The following AADAT variants were observed in gnomAD, a reference collection of about 807,000 sequenced individuals.
AADAT encodes the protein kynurenine/alpha-aminoadipate aminotransferase, mitochondrial.
In AADAT, 25 loss-of-function variants were observed where a neutral mutation model predicts 56.2. The ratio of observed to expected loss-of-function variants is 0.44; its 90% CI spans 0.32 to 0.62. The LOEUF (loss-of-function observed/expected upper bound fraction) is 0.62, where lower values mean the gene tolerates loss of function less well. Ranked by LOEUF, AADAT falls within the 20% of genes least tolerant of loss-of-function variation. The pLI is 0.04. For synonymous variants in AADAT, 173 were observed against 164.7 expected (o/e 1.05, Z -0.39); for missense variants, 387 against 510.5 (o/e 0.76, Z 2.33).
chr4:170,064,488 C>G (rs1003162518), intron 11 of AADAT, among the ~76,000 whole-genome samples: 4 of 152,204 alleles, frequency 2.6e-5, no homozygotes, highest in African/African-American at 9.6e-5. Flanking sequence ...CTACGCTAAT[C>G]AGTAGCTGAG....
intron 5 of AADAT, among the ~76,000 whole-genome samples, chr4:170,071,917 A>T (rs1438710362): frequency 2.0e-5 from 3 of 152,118 alleles, no homozygotes; most frequent in African/African-American, 7.2e-5. Context: ...ATGGAGATGG[A>T]GAATGTGAGA....
At chr4:170,065,388 T>A (rs964010814) in intron 10 of AADAT, among the ~76,000 whole-genome samples, 1 of 152,212 alleles carries the variant, frequency 6.6e-6, no homozygotes, top group Non-Finnish European at 1.5e-5. Context: ...ACAAGCATAA[T>A]GATCTTTGAT....
intron 3 of AADAT, among the ~76,000 whole-genome samples, chr4:170,080,419 G>C (rs552299355): frequency 1.2e-3 from 190 of 152,240 alleles, no homozygotes; most frequent in African/African-American, 4.6e-3. Flanking sequence ...TGGTTCCCTG[G>C]CTGGAGACCT....
intron 10 of AADAT, 43 bp downstream of exon 10, chr4:170,066,371 G>T (rs1405159394): frequency 1.1e-5 from 17 of 1,534,132 alleles, no homozygotes; most frequent in Admixed American, 1.7e-5. Flanking sequence ...TACTTTTACA[G>T]ATGCTACTGT....
intron 4 of AADAT, among the ~76,000 whole-genome samples, chr4:170,078,067 C>T (rs1047694101): frequency 2.0e-5 from 3 of 152,174 alleles, no homozygotes; most frequent in African/African-American, 7.2e-5. Flanking sequence ...CTGTAAATCA[C>T]AGTTCCACGG....
intron 1 of AADAT, 58 bp downstream of exon 1, chr4:170,089,566 T>TA: frequency 6.2e-7 from 1 of 1,604,568 alleles, no homozygotes; most frequent in South Asian, 1.1e-5. Flanking sequence ...GAACCCTCCT[T>TA]AGAGGCTGTG....
At chr4:170,092,934 A>C (rs1327130144), upstream of AADAT, among the ~76,000 whole-genome samples, 1 of 152,218 alleles carries the variant, frequency 6.6e-6, no homozygotes, top group Non-Finnish European at 1.5e-5. Flanking sequence ...ACAGATCCTT[A>C]TGTGTTTGAG....
chr4:170,084,028 C>T (rs1009989079), intron 3 of AADAT, among the ~76,000 whole-genome samples: 2 of 152,254 alleles, frequency 1.3e-5, no homozygotes, highest in South Asian at 2.1e-4. Context: ...ATGTGGTATA[C>T]ACACAATGGA....
At chr4:170,088,196 G>A (rs1399093845) in intron 2 of AADAT, among the ~76,000 whole-genome samples, 200 bp downstream of exon 2, 3 of 151,660 alleles carry the variant, frequency 2.0e-5, no homozygotes. Context: ...CCTTTCCCCA[G>A]ACCTTCCTAA....
Position 170,089,734 on chromosome 4 carries a change from G to A in AADAT, c.-44C>T, listed in dbSNP as rs1381348282. The stretch of plus-strand genomic sequence containing the variant: ...ATCAAGCTTCTTCTTCAGTGGTTGA[G>A]GACTAGAAAAACCAAAGAGCCTCGT... On this transcript the variant is annotated 5_prime_UTR_variant, in exon 1 of 13. Coordinates refer to ENST00000337664, the MANE Select transcript of AADAT (RefSeq NM_016228.4). The A allele has an allele frequency of 2.5e-6, 4 of 1,605,338 alleles. No individual in the cohort carries two copies. Among genetic ancestry groups the A allele is most frequent in the African/African-American group, 2.7e-5 (2 of 74,656 alleles).
At chr4:170,072,089 G>A (rs996926740) in intron 5 of AADAT, among the ~76,000 whole-genome samples, 2 of 152,100 alleles carry the variant, frequency 1.3e-5, no homozygotes, top group South Asian at 2.1e-4. Flanking sequence ...CAGGCAATGT[G>A]CCGGTCATCG....
chr4:170,078,969 T>C (rs1290080341), intron 3 of AADAT, among the ~76,000 whole-genome samples: 1 of 152,202 alleles, frequency 6.6e-6, no homozygotes, highest in Non-Finnish European at 1.5e-5. Flanking sequence ...ATTGCTTCTT[T>C]GAAAATCTAT....
intron 4 of AADAT, among the ~76,000 whole-genome samples, chr4:170,073,743 C>T (rs111752158): frequency 0.058 from 8,878 of 152,238 alleles, 344 homozygotes; most frequent in Non-Finnish European, 0.09. Context: ...TCGTGATCCG[C>T]CCGCCTTGGC....
intron 3 of AADAT, among the ~76,000 whole-genome samples, chr4:170,081,527 C>T (rs761524265): frequency 3.3e-5 from 5 of 151,970 alleles, no homozygotes; most frequent in African/African-American, 4.8e-5. Flanking sequence ...CTCTCAAAGG[C>T]TAAGGACAAA....
chr4:170,066,645 T>C (rs1346149967), intron 9 of AADAT, among the ~76,000 whole-genome samples, 167 bp from the exon 10 acceptor site: 1 of 152,214 alleles, frequency 6.6e-6, no homozygotes, highest in African/African-American at 2.4e-5. Context: ...TGAAAAACTT[T>C]TAACTGCTGT....
chr4:170,068,653 A>T lies in AADAT; in HGVS notation c.838T>A (p.Leu280Ile). 6.2e-7 allele frequency: 1 copy of T among 1,607,660 alleles called. No homozygotes were observed. Among genetic ancestry groups the T allele is most frequent in the African/African-American group, 1.3e-5 (1 of 74,640 alleles). Reference sequence around the variant, plus strand: ...ATGTGTAAAATAACTCTCTCTATTAAGGGTTTTGGACCAGTTAAAAATCCT... The same window carrying T: ...ATGTGTAAAATAACTCTCTCTATTATGGGTTTTGGACCAGTTAAAAATCCT... ...RIGFLTGPKP[L>I]IERVILHIQV... Residue 280 changes from leucine (L) to isoleucine (I), a missense_variant, in exon 8 of 13, where the codon TTA (leucine) becomes ATA (isoleucine). Transcript: ENST00000337664.
At chr4:170,061,527 T>C (rs1206203041) in intron 12 of AADAT, among the ~76,000 whole-genome samples, 1 of 152,216 alleles carries the variant, frequency 6.6e-6, no homozygotes, top group Non-Finnish European at 1.5e-5. Flanking sequence ...ATTTGACCCT[T>C]GCTGATACTT....
At chr4:170,080,694 T>C (rs1242456653) in intron 3 of AADAT, among the ~76,000 whole-genome samples, 1 of 152,138 alleles carries the variant, frequency 6.6e-6, no homozygotes, top group Non-Finnish European at 1.5e-5. Context: ...CCTCCCTGAT[T>C]TGGGACAGGC....
intron 11 of AADAT, among the ~76,000 whole-genome samples, chr4:170,064,281 C>A (rs1271266954): frequency 1.3e-5 from 2 of 152,170 alleles, no homozygotes; most frequent in African/African-American, 4.8e-5. Flanking sequence ...TGAGTATGTG[C>A]CACATACTAG....
Sources: gnomAD v4.1 joint callset for allele counts (sites outside exome capture counted in the v4.1 genomes callset) on GRCh38, gnomAD v4.1.1 for gene constraint, MANE v1.5 for transcripts, NCBI Gene and HGNC (gene_info 2026-07-23, HGNC 2026-07-21) for gene names.